Variants in GCNT4 observed in about 807,000 individuals in gnomAD.
The protein encoded by GCNT4 is beta-1,3-galactosyl-O-glycosyl-glycoprotein beta-1,6-N-acetylglucosaminyltransferase 4.
Under a neutral mutation model 31.3 loss-of-function variants are expected in GCNT4, and 17 were observed. The observed-to-expected ratio is 0.54, with a 90% CI of 0.37 to 0.81. The LOEUF is 0.81. Ranked by LOEUF, GCNT4 falls within the 40% of genes least tolerant of loss-of-function variation. GCNT4 has a pLI of 0.00. For missense variants in GCNT4, 503 were observed against 525.5 expected (o/e 0.96, Z 0.42); for synonymous variants, 158 against 190.6 (o/e 0.83, Z 1.41).
Position 75,027,357 on chromosome 5 carries a change from ATATATT to A in GCNT4, c.*1313_*1318del, listed in dbSNP as rs1742970075. On this transcript the variant is annotated 3_prime_UTR_variant, in exon 4 of 4. Transcript: ENST00000652361. ...TATACAATATATGTATATATAATAT[ATATATT>A]TATATATTATATATGTAATGGAATT... 3.7e-3 allele frequency: 2 copies of A among 544 alleles called. No homozygotes were observed. The highest frequency in any genetic ancestry group is 0.011 in the African/African-American group (2 of 174). 0.0% of individuals were successfully genotyped at this position (544 alleles called of 1,614,324 possible).
intron 3 of GCNT4, among the ~76,000 whole-genome samples, chr5:75,039,241 C>G (rs1561376293): frequency 6.6e-6 from 1 of 152,112 alleles, no homozygotes; most frequent in South Asian, 2.1e-4. Flanking sequence ...AGGCACCCAC[C>G]ACCACGCCTG....
In GCNT4 at chr5:75,029,360, C is replaced by G. The variant is rs779999080; in HGVS notation, c.678G>C (p.Leu226Phe). 6.2e-7 allele frequency: 1 copy of G among 1,614,148 alleles called. No homozygotes were observed. The highest frequency in any genetic ancestry group is 2.2e-5 in the East Asian group (1 of 44,886). The change falls in exon 4 of 4, where the codon TTG (leucine) becomes TTC (phenylalanine). Residue 226 changes from leucine (L) to phenylalanine (F), a missense_variant. Coordinates refer to ENST00000652361, the MANE Select transcript of GCNT4 (RefSeq NM_001366737.1). ...SSIQWKYVIN[L>F]CGQDFPLKSN... ...ACTTCAGGGGAAAATCTTGCCCACACAAGTTGATAACATATTTCCACTGGA... is the reference window on the plus strand; with the variant it reads ...ACTTCAGGGGAAAATCTTGCCCACAGAAGTTGATAACATATTTCCACTGGA...
At position 75,026,224 on chromosome 5, in the gene GCNT4, G is replaced by C. The variant is rs1350044680; in HGVS notation, c.*2452C>G. The C allele has an allele frequency of 6.6e-6, 1 of 152,184 alleles. No homozygotes were observed. Among genetic ancestry groups the C allele is most frequent in the African/African-American group, 2.4e-5 (1 of 41,448 alleles). 9.4% of individuals were successfully genotyped at this position (152,184 alleles called of 1,614,324 possible). On this transcript the variant is annotated 3_prime_UTR_variant, in exon 4 of 4. Coordinates refer to ENST00000652361, the MANE Select transcript of GCNT4 (RefSeq NM_001366737.1). ...GGGATAGAATCATTTCTCACCAGGAGGCAAGACAGTGGATCAGGAGGTTAT... is the reference window on the plus strand; with the variant it reads ...GGGATAGAATCATTTCTCACCAGGACGCAAGACAGTGGATCAGGAGGTTAT...
chr5:75,049,384 G>A (rs1361433340), intron 2 of GCNT4, among the ~76,000 whole-genome samples: 2 of 152,070 alleles, frequency 1.3e-5, no homozygotes, highest in Non-Finnish European at 2.9e-5. Flanking sequence ...AATGATATCT[G>A]GCTCCCCACA....
downstream of GCNT4, among the ~76,000 whole-genome samples, chr5:75,025,103 C>A (rs1462356812): frequency 6.6e-6 from 1 of 152,042 alleles, no homozygotes; most frequent in Non-Finnish European, 1.5e-5. Context: ...ATTAATCTTA[C>A]AGGAGAAACC....
intron 3 of GCNT4, among the ~76,000 whole-genome samples, chr5:75,034,779 A>C (rs1442534455): frequency 1.3e-5 from 2 of 152,168 alleles, no homozygotes; most frequent in Non-Finnish European, 2.9e-5. Flanking sequence ...GTAAAAACCT[A>C]CTCCTCACTA....
intron 3 of GCNT4, among the ~76,000 whole-genome samples, chr5:75,046,491 G>C (rs1428623553): frequency 2.0e-5 from 3 of 152,164 alleles, no homozygotes; most frequent in Non-Finnish European, 4.4e-5. Context: ...TGAAGGAGCT[G>C]CTCTCTCGTG....
At chr5:75,044,730 G>A (rs576234117) in intron 3 of GCNT4, among the ~76,000 whole-genome samples, 4 of 151,998 alleles carry the variant, frequency 2.6e-5, no homozygotes, top group East Asian at 1.9e-4. Context: ...GGATTTCTGC[G>A]GGGTAGACTG....
Position 75,029,434 on chromosome 5 carries a change from T to C in GCNT4, c.604A>G (p.Arg202Gly). The change falls in exon 4 of 4, where the codon AGA becomes GGA. Residue 202 changes from arginine (R) to glycine (G), a missense_variant. Arg to Gly is a moderately radical substitution (Grantham distance 125). Transcript: ENST00000652361. ...LEAVEYAHIS[R>G]LQADLNCLSD... is the part of the protein sequence containing the mutation. ...AAGCAATTTAAATCAGCCTGGAGTC[T>C]GGAAATGTGGGCATATTCCACAGCC... 1 of 1,614,170 alleles carries C rather than the reference T, an allele frequency of 6.2e-7. No individual in the cohort carries two copies.
At chr5:75,037,839 G>A (rs1358682227) in intron 3 of GCNT4, among the ~76,000 whole-genome samples, 1 of 151,144 alleles carries the variant, frequency 6.6e-6, no homozygotes, top group Non-Finnish European at 1.5e-5. Flanking sequence ...GATCATGCCA[G>A]TGCACTCCAG....
chr5:75,033,236 AT>A (rs1743113646), intron 3 of GCNT4, among the ~76,000 whole-genome samples: 1 of 152,170 alleles, frequency 6.6e-6, no homozygotes, highest in African/African-American at 2.4e-5. Context: ...GCATCCAGGC[AT>A]CCTTGCCCTT....
At chr5:75,043,082 G>A (rs576263575) in intron 3 of GCNT4, among the ~76,000 whole-genome samples, 27 of 152,316 alleles carry the variant, frequency 1.8e-4, no homozygotes, top group Admixed American at 1.2e-3. Flanking sequence ...TCTAGCCGTA[G>A]TTTTAATTAA....
Position 75,025,517 on chromosome 5 carries a change from TA to T in GCNT4, c.*3158del, listed in dbSNP as rs1161522505. ...TTAGAGACCAGTCGATATAAATGTATAAAAAGCCCCCAAAACTCTCATTTCA... is the reference window on the plus strand; with the variant it reads ...TTAGAGACCAGTCGATATAAATGTATAAAAGCCCCCAAAACTCTCATTTCA... On this transcript the variant is annotated 3_prime_UTR_variant, in exon 4 of 4. Transcript: ENST00000652361. The T allele has an allele frequency of 2.0e-5, 3 of 152,150 alleles. No homozygotes were observed. Among genetic ancestry groups the T allele is most frequent in the Non-Finnish European group, 4.4e-5 (3 of 68,014 alleles). 9.4% of individuals were successfully genotyped at this position (152,150 alleles called of 1,614,324 possible).
chr5:75,040,183 C>CTTT (rs200239392), intron 3 of GCNT4, among the ~76,000 whole-genome samples: 1 of 141,704 alleles, frequency 7.1e-6, no homozygotes, highest in African/African-American at 2.6e-5. Context: ...TCTCTGATAA[C>CTTT]TTTTTTTTTT....
At chr5:75,023,677 T>C (rs1742907886), downstream of GCNT4, among the ~76,000 whole-genome samples, 1 of 152,122 alleles carries the variant, frequency 6.6e-6, no homozygotes, top group African/African-American at 2.4e-5. Flanking sequence ...TCAAAACACG[T>C]GTATGTAGAT....
chr5:75,032,869 A>AGGGGTGGG (rs1044403638), intron 3 of GCNT4, among the ~76,000 whole-genome samples: 2 of 78,698 alleles, frequency 2.5e-5, no homozygotes, highest in East Asian at 4.2e-4. Flanking sequence ...AATCCCAAAT[A>AGGGGTGGG]GGGGTGTGTG....
intron 3 of GCNT4, among the ~76,000 whole-genome samples, chr5:75,032,572 C>G (rs1296783281): frequency 6.6e-6 from 1 of 152,208 alleles, no homozygotes; most frequent in African/African-American, 2.4e-5. Context: ...TCCATCCCCG[C>G]TGCCAAGTCC....
upstream of GCNT4, among the ~76,000 whole-genome samples, chr5:75,053,763 G>A (rs947564526): frequency 3.3e-5 from 5 of 152,102 alleles, no homozygotes; most frequent in South Asian, 2.1e-4. Context: ...CCTGCCCTGC[G>A]CTCCCAGTCC....
At chr5:75,030,066 T>C (rs747039512) in intron 3 of GCNT4, 28 bp from the exon 4 acceptor site, 1 of 1,550,640 alleles carries the variant, frequency 6.4e-7, no homozygotes, top group African/African-American at 1.4e-5. Context: ...AATAATCCAG[T>C]TGGAATATTA....
Sources: gnomAD v4.1 joint callset for allele counts (sites outside exome capture counted in the v4.1 genomes callset) on GRCh38, gnomAD v4.1.1 for gene constraint, MANE v1.5 for transcripts, NCBI Gene and HGNC (gene_info 2026-07-23, HGNC 2026-07-21) for gene names.